Variants in WDR62 observed in about 807,000 individuals in gnomAD.
WDR62 encodes WD repeat domain 62.
In WDR62, 112 loss-of-function variants were observed where a neutral mutation model predicts 160.6. That is an observed-to-expected ratio of 0.70 (90% CI 0.60 to 0.82). The LOEUF is 0.82. Ranked by LOEUF, WDR62 falls within the 40% of genes least tolerant of loss-of-function variation. The pLI is 0.00. For missense variants in WDR62, 1,819 were observed against 1,983.8 expected, an observed-to-expected ratio of 0.92 and a Z score of 1.58; for synonymous variants, 792 against 815.1, an observed-to-expected ratio of 0.97 and a Z score of 0.48.
chr19:36,091,082 TCC>T lies in WDR62; in HGVS notation c.2035-117_2035-116del, dbSNP rs1233722229. ...TCACGTGTCGAATGGGAGCGGGAGC[TCC>T]TGCCCTGCCAGAGTCCCATGTGCTG... On this transcript the variant is annotated intron_variant, in intron 16 of 31. Transcript: ENST00000401500. The T allele has an allele frequency of 1.8e-5, 15 of 834,662 alleles. No homozygotes were observed. The Admixed American group carries it at 3.0e-4, about 17-fold the overall frequency. The allele number at this position is 834,662 out of a possible 1,614,324, so 51.7% of individuals were successfully genotyped here.
rs1973471388 is a variant in WDR62, at chr19:36,103,002, G to A, written c.3390G>A (p.Glu1130=). The change falls in exon 28 of 32, where the codon GAG becomes GAA. Residue 1130 remains glutamate (E), a synonymous_variant. Transcript: ENST00000401500. Reference sequence around the variant, plus strand: ...CCCAGTGCCTTGTGAAGTCTCCAGAGGTCAAGCTCATGGACCGAGGCGGAA... The same window carrying A: ...CCCAGTGCCTTGTGAAGTCTCCAGAAGTCAAGCTCATGGACCGAGGCGGAA... ...RATQCLVKSP[E]VKLMDRGGSQ... The A allele has an allele frequency of 1.2e-6, 2 of 1,614,134 alleles. No individual in the cohort carries two copies. The highest frequency in any genetic ancestry group is 1.6e-4 in the Middle Eastern group (1 of 6,062).
intron 21 of WDR62, among the ~76,000 whole-genome samples, chr19:36,097,918 T>C (rs1380668657): frequency 6.6e-6 from 1 of 151,628 alleles, no homozygotes; most frequent in African/African-American, 2.4e-5. Flanking sequence ...ATAAGGAGTG[T>C]TGGGGGGTGT....
In WDR62 at chr19:36,103,828, G is replaced by C; in HGVS notation, c.4000G>C (p.Glu1334Gln). The C allele has an allele frequency of 6.2e-7, 1 of 1,606,738 alleles. No individual in the cohort carries two copies. The highest frequency in any genetic ancestry group is 8.5e-7 in the Non-Finnish European group (1 of 1,179,430). Residue 1334 changes from glutamate (E) to glutamine (Q), a missense_variant, in exon 30 of 32, where the codon GAG becomes CAG. Physicochemically the swap from Glu to Gln is conservative, Grantham distance 29. Around this residue, in one of 3 missense-constraint regions of WDR62, gnomAD observed 770 missense variants for 734.2 expected, o/e 1.05. Transcript: ENST00000401500. The part of the protein sequence containing the change: ...VSFPAPSPVE[E>Q]SALRLHGSAF... ...CTTCCCAGCCCCTAGCCCTGTGGAAGAGAGCGCCCTGAGGCTCCACGGCTC... is the reference window on the plus strand; with the variant it reads ...CTTCCCAGCCCCTAGCCCTGTGGAACAGAGCGCCCTGAGGCTCCACGGCTC...
intron 26 of WDR62, 28 bp downstream of exon 26, chr19:36,102,179 C>T (rs756109106): frequency 3.1e-6 from 5 of 1,613,806 alleles, no homozygotes; most frequent in South Asian, 1.1e-5. Flanking sequence ...CCACACCTGC[C>T]GAGGCCGTCT....
At chr19:36,101,931 G>C in intron 25 of WDR62, 83 bp from the exon 26 acceptor site, 1 of 1,602,272 alleles carries the variant, frequency 6.2e-7, no homozygotes, top group Non-Finnish European at 8.5e-7. Context: ...GGGATGGGTG[G>C]GGCCCGCTTT....
chr19:36,089,415 G>T (rs1972454182), intron 15 of WDR62, 109 bp downstream of exon 15: 3 of 1,559,462 alleles, frequency 1.9e-6, no homozygotes, highest in South Asian at 2.2e-5. Flanking sequence ...GGAATTGAGG[G>T]ACCCAGCAGG....
At chr19:36,064,364 C>T (rs1970822181) in intron 3 of WDR62, among the ~76,000 whole-genome samples, 1 of 152,108 alleles carries the variant, frequency 6.6e-6, no homozygotes, top group South Asian at 2.1e-4. Flanking sequence ...CAAGCTCCGC[C>T]TCCTGGGTTC....
chr19:36,080,563 A>G (rs933094723), intron 9 of WDR62, among the ~76,000 whole-genome samples: 5 of 151,826 alleles, frequency 3.3e-5, no homozygotes, highest in Admixed American at 6.6e-5. Flanking sequence ...GGTTCAAGCA[A>G]TTCTGCTGCC....
Position 36,067,422 on chromosome 19 carries a change from G to A in WDR62, c.678G>A (p.Leu226=). ...ACCGCCATGTGAGGTTCTGGTTCTT[G>A]GAAGTCTCCACTGAGACAAAGGTGA... ...VGNRHVRFWF[L]EVSTETKVTS... Residue 226 remains leucine, a synonymous_variant, in exon 6 of 32, where the codon TTG becomes TTA. Coordinates refer to ENST00000401500, the MANE Select transcript of WDR62 (RefSeq NM_001083961.2). 2 of 1,614,224 alleles carry A rather than the reference G, an allele frequency of 1.2e-6. No individual in the cohort carries two copies. Among genetic ancestry groups the A allele is most frequent in the Non-Finnish European group, 1.7e-6 (2 of 1,180,034 alleles).
intron 8 of WDR62, among the ~76,000 whole-genome samples, chr19:36,072,321 C>T (rs1012756287): frequency 7.9e-5 from 12 of 152,066 alleles, no homozygotes; most frequent in South Asian, 2.1e-4. Flanking sequence ...GGGCTTGTTA[C>T]GTTGCAGGAA....
chr19:36,096,444 A>G (rs1209322662), intron 20 of WDR62, among the ~76,000 whole-genome samples: 1 of 151,886 alleles, frequency 6.6e-6, no homozygotes, highest in Non-Finnish European at 1.5e-5. Flanking sequence ...AGTGGCTCAC[A>G]CCTGTAATCC....
chr19:36,105,064 G>A lies in WDR62; in HGVS notation c.*36G>A, dbSNP rs1441740608. The A allele has an allele frequency of 6.3e-7, 1 of 1,582,178 alleles. No individual in the cohort carries two copies. On this transcript the variant is annotated 3_prime_UTR_variant, in exon 32 of 32. Transcript: ENST00000401500. ...CCTCCACCGCAGCCCTGCTGCTTCT[G>A]AGGACTTAGGTATTTTAAGCGAATA...
At chr19:36,095,057 A>G (rs945231055) in intron 20 of WDR62, among the ~76,000 whole-genome samples, 4 of 152,186 alleles carry the variant, frequency 2.6e-5, no homozygotes, top group Non-Finnish European at 4.4e-5. Context: ...CTCAATAATC[A>G]TATCAGTCAA....
intron 12 of WDR62, among the ~76,000 whole-genome samples, chr19:36,086,109 C>A (rs974183593): frequency 1.3e-5 from 2 of 152,082 alleles, no homozygotes; most frequent in Non-Finnish European, 2.9e-5. Context: ...GTTCTCTCAT[C>A]CCCCATGCTG....
In WDR62 at chr19:36,083,069, C is replaced by A; in HGVS notation, c.1378C>A (p.Leu460Met). ...AGCCCTGTCCTTCCTGCAGACCCTG[C>A]TGAAGGTCGTGTACGTGGAGAATGA... ...WQKNIFSNTL[L>M]KVVYVENDIQ... Residue 460 changes from leucine to methionine, a missense_variant, in exon 11 of 32, where the codon CTG becomes ATG. Leu to Met is a conservative substitution (Grantham distance 15, BLOSUM62 2). Transcript: ENST00000401500. The A allele has an allele frequency of 6.2e-7, 1 of 1,611,928 alleles. No individual in the cohort carries two copies. The highest frequency in any genetic ancestry group is 8.5e-7 in the Non-Finnish European group (1 of 1,178,984).
intron 1 of WDR62, 127 bp downstream of exon 1, chr19:36,055,275 T>A: frequency 1.0e-6 from 1 of 1,000,964 alleles, no homozygotes; most frequent in Non-Finnish European, 1.5e-6. Context: ...CTGCCATGCC[T>A]CGTCCCCTAA....
rs993063089 is a variant in WDR62, at chr19:36,081,701, G to C, written c.1371+131G>C. On this transcript the variant is annotated intron_variant, in intron 10 of 31. Coordinates refer to ENST00000401500, the MANE Select transcript of WDR62 (RefSeq NM_001083961.2). ...CATGAGGGCAAGAGCCGGCAACCAA[G>C]GCAGGTCCCTCTCTGCATCACTGCC... 5 of 1,210,512 alleles carry C rather than the reference G, an allele frequency of 4.1e-6. No homozygotes were observed. In the African/African-American group the frequency reaches 7.5e-5, roughly 18 times the overall value. The allele number at this position is 1,210,512 out of a possible 1,614,324, so 75.0% of individuals were successfully genotyped here.
At position 36,067,358 on chromosome 19, in the gene WDR62, C is replaced by T. The variant is rs1157138223; in HGVS notation, c.614C>T (p.Ser205Phe). Reference sequence around the variant, plus strand: ...GTATCTTGTAGAGTCATTGCCCTCTCCTTCTCAGAGGACAGCAGCTATTTT... The same window carrying T: ...GTATCTTGTAGAGTCATTGCCCTCTTCTTCTCAGAGGACAGCAGCTATTTT... ...NKVSCRVIAL[S>F]FSEDSSYFVT... Residue 205 changes from serine to phenylalanine, a missense_variant, in exon 6 of 32, where the codon TCC becomes TTC. Around this residue, in one of 3 missense-constraint regions of WDR62, gnomAD observed 934 missense variants for 1,157.2 expected, o/e 0.81. Coordinates refer to ENST00000401500, the MANE Select transcript of WDR62 (RefSeq NM_001083961.2). 6.2e-7 allele frequency: 1 copy of T among 1,614,048 alleles called. No homozygotes were observed. Among genetic ancestry groups the T allele is most frequent in the Non-Finnish European group, 8.5e-7 (1 of 1,179,986 alleles).
intron 7 of WDR62, 66 bp downstream of exon 7, chr19:36,068,076 C>T (rs941882126): frequency 2.6e-6 from 4 of 1,549,020 alleles, no homozygotes; most frequent in Non-Finnish European, 3.5e-6. Context: ...TGCAGGGGTG[C>T]TCATCAGCAT....
Sources: allele counts gnomAD v4.1 joint callset (sites outside exome capture counted in the v4.1 genomes callset), GRCh38; gene constraint gnomAD v4.1.1; regional missense constraint gnomAD v4.1.1; transcripts MANE v1.5; gene names NCBI Gene and HGNC (gene_info 2026-07-23, HGNC 2026-07-21).